The following RBL2 variants were observed in gnomAD, a reference collection of about 807,000 sequenced individuals.
RBL2 encodes the protein retinoblastoma-like protein 2.
A neutral mutation model predicts 126.0 loss-of-function variants in RBL2; 56 were observed. The observed-to-expected ratio is 0.44, with a 90% confidence interval of 0.36 to 0.56. The LOEUF (loss-of-function observed/expected upper bound fraction) is 0.56, where lower values mean the gene tolerates loss of function less well. Among genes scored for constraint, RBL2 ranks in the 20% least tolerant of loss-of-function variants. RBL2 has a pLI of 0.00. For synonymous variants in RBL2, 454 were observed against 478.5 expected, an observed-to-expected ratio of 0.95 and a Z score of 0.67; for missense variants, 1,229 against 1,398.2, an observed-to-expected ratio of 0.88 and a Z score of 1.93.
intron 8 of RBL2, among the ~76,000 whole-genome samples, chr16:53,458,795 G>A (rs545122283): frequency 2.2e-3 from 331 of 152,254 alleles, no homozygotes; most frequent in Non-Finnish European, 3.9e-3. Context: ...TGATAAGGCC[G>A]TCAGATCTCG....
Position 53,459,615 on chromosome 16 carries a change from C to G in RBL2, c.1344C>G (p.Leu448=). The change falls in exon 9 of 22, where the codon CTC becomes CTG. Residue 448 remains leucine (L), a splice_region_variant and synonymous_variant. Coordinates refer to ENST00000262133, the MANE Select transcript of RBL2 (RefSeq NM_005611.4). The part of the protein sequence containing the change: ...NAPSEKLEQI[L]RTCSRDPTQA... ...CAAGTGAGAAACTGGAACAGATTCT[C>G]AGGTTAGTTTGAGCCCTGTCTGCTT... is the stretch of plus-strand genomic sequence containing the variant. The G allele has an allele frequency of 6.5e-7, 1 of 1,546,854 alleles. No individual in the cohort carries two copies. The highest frequency in any genetic ancestry group is 8.7e-7 in the Non-Finnish European group (1 of 1,150,000).
chr16:53,476,012 C>T (rs1053651665), intron 17 of RBL2, among the ~76,000 whole-genome samples: 10 of 151,136 alleles, frequency 6.6e-5, no homozygotes, highest in South Asian at 4.2e-4. Context: ...TTTGTAGATA[C>T]GAGATTTTGC....
chr16:53,464,546 G>T (rs1291601530), intron 12 of RBL2, 183 bp downstream of exon 12: 1 of 481,326 alleles, frequency 2.1e-6, no homozygotes, highest in Non-Finnish European at 3.4e-6. Context: ...TTTTAATATT[G>T]TATGAAAGAT....
intron 13 of RBL2, chr16:53,466,021 T>C (rs890194092): frequency 3.3e-5 from 5 of 152,150 alleles, no homozygotes; most frequent in Non-Finnish European, 7.3e-5. Context: ...CCTTGGTAGT[T>C]TCTCAGATCT....
chr16:53,491,545 T>TTAGAA lies in RBL2; in HGVS notation c.*1249_*1253dup, dbSNP rs1410057606. The TTAGAA allele has an allele frequency of 1.3e-5, 2 of 152,616 alleles. No individual in the cohort carries two copies. Among genetic ancestry groups the TTAGAA allele is most frequent in the African/African-American group, 4.8e-5 (2 of 41,448 alleles). The allele number at this position is 152,616 out of a possible 1,614,324, so 9.5% of individuals were successfully genotyped here. A position where few individuals can be genotyped will look rare whatever the true frequency, so the allele number is the denominator to read the frequency against. ...GAAATATGGAACTTACATTGTTCAATTAGAATAGTGTTCTGCAAAAATATT... is the reference window on the plus strand; with the variant it reads ...GAAATATGGAACTTACATTGTTCAATTAGAATAGAATAGTGTTCTGCAAAAATATT... On this transcript the variant is annotated 3_prime_UTR_variant, in exon 22 of 22. Coordinates refer to ENST00000262133, the MANE Select transcript of RBL2 (RefSeq NM_005611.4).
At position 53,477,662 on chromosome 16, in the gene RBL2, T is replaced by C. The variant is rs185870225; in HGVS notation, c.2704-1492T>C. On this transcript the variant is annotated intron_variant, in intron 17 of 21. Transcript: ENST00000262133. ...ACCCAGCCTATTTCTATTTCTCTTA[T>C]TCATTCCTGTGTATGTGAGTTGCCA... 6.9e-3 allele frequency among the ~76,000 whole-genome samples: 1,044 copies of C among 152,300 alleles called. 10 individuals carry two copies. Among genetic ancestry groups the C allele is most frequent in the Non-Finnish European group, 9.5e-3 (647 of 68,022 alleles).
chr16:53,439,249 A>G, intron 2 of RBL2, 103 bp downstream of exon 2: 2 of 1,084,186 alleles, frequency 1.8e-6, no homozygotes, highest in South Asian at 2.9e-5. Flanking sequence ...GAGCATTTGT[A>G]CCTGTGGACT....
intron 2 of RBL2, among the ~76,000 whole-genome samples, chr16:53,440,673 C>G (rs1011402813): frequency 6.6e-5 from 10 of 152,148 alleles, no homozygotes; most frequent in African/African-American, 2.4e-4. Context: ...CCCGCTGTGG[C>G]CTCCCAAGTA....
At chr16:53,454,352 G>A (rs948271833) in intron 7 of RBL2, 3 of 364,478 alleles carry the variant, frequency 8.2e-6, no homozygotes, top group Admixed American at 3.6e-5. Context: ...ATACAGGCAC[G>A]TGCCACCATG....
chr16:53,471,209 T>A (rs2058319975), intron 17 of RBL2, among the ~76,000 whole-genome samples: 1 of 152,200 alleles, frequency 6.6e-6, no homozygotes, highest in Non-Finnish European at 1.5e-5. Context: ...CTATTAGCAT[T>A]TGTGTTTGGG....
chr16:53,435,616 ATTG>A, intron 1 of RBL2: 1 of 1,272,980 alleles, frequency 7.9e-7, no homozygotes, highest in Non-Finnish European at 1.0e-6. Flanking sequence ...GGAAGTACGG[ATTG>A]TTTATCAGCT....
chr16:53,486,695 G>T (rs768798590), intron 21 of RBL2, among the ~76,000 whole-genome samples: 4 of 152,132 alleles, frequency 2.6e-5, no homozygotes, highest in Non-Finnish European at 5.9e-5. Context: ...TGAATGCCTT[G>T]CCCCTGTGAT....
rs1249703959 is a variant in RBL2, at chr16:53,450,376, G to T, written c.638-1327G>T. Among the ~76,000 whole-genome samples the T allele has an allele frequency of 2.0e-5, 3 of 152,126 alleles. No homozygotes were observed. In the East Asian group the frequency reaches 5.8e-4, roughly 29 times the overall value. ...TGTGTGTGTGTACATGTACACTTGG[G>T]TAGGCGTTAAGTGTGAAATGCTGAG... On this transcript the variant is annotated intron_variant, in intron 4 of 21. Transcript: ENST00000262133.
At chr16:53,486,903 A>T (rs74017237) in intron 21 of RBL2, among the ~76,000 whole-genome samples, 6,158 of 152,328 alleles carry the variant, frequency 0.04, 389 homozygotes, top group African/African-American at 0.14. Context: ...ATGTATTTCT[A>T]TATGCTAGCA....
At position 53,462,582 on chromosome 16, in the gene RBL2, A is replaced by T; in HGVS notation, c.1487A>T (p.Glu496Val). Residue 496 changes from glutamate (E) to valine (V), a missense_variant, in exon 11 of 22, where the codon GAG becomes GTG. By Grantham distance (121) the Glu-to-Val change is moderately radical. Coordinates refer to ENST00000262133, the MANE Select transcript of RBL2 (RefSeq NM_005611.4). The stretch of plus-strand genomic sequence containing the variant: ...GCCAGCAAACATTTTCGTTTTGCGG[A>T]GATGCTTTACTATAAAGTATTAGAA... ...EIASKHFRFA[E>V]MLYYKVLESV... 6.4e-7 allele frequency: 1 copy of T among 1,560,808 alleles called. No individual in the cohort carries two copies.
intron 3 of RBL2, among the ~76,000 whole-genome samples, chr16:53,444,588 A>T (rs966156112): frequency 4.1e-5 from 6 of 145,612 alleles, no homozygotes; most frequent in African/African-American, 1.6e-4. Flanking sequence ...ATAAAATGAC[A>T]TATTCTCCTA....
Position 53,478,912 on chromosome 16 carries a change from G to A in RBL2, c.2704-242G>A, listed in dbSNP as rs572244932. ...GCTGGGATTACAGGTGTGAACCACC[G>A]CACCTGGCCTCTAAGTCTTGATTCA... On this transcript the variant is annotated intron_variant, in intron 17 of 21. Transcript: ENST00000262133. 47 of 434,394 alleles carry A rather than the reference G, an allele frequency of 1.1e-4. 1 individual carries two copies. Among genetic ancestry groups the A allele is most frequent in the Non-Finnish European group, 1.6e-4 (40 of 244,502 alleles). The allele number at this position is 434,394 out of a possible 1,614,324, so 26.9% of individuals were successfully genotyped here.
intron 2 of RBL2, among the ~76,000 whole-genome samples, chr16:53,441,160 G>A (rs1438126713): frequency 6.6e-5 from 10 of 151,602 alleles, no homozygotes; most frequent in African/African-American, 1.5e-4. Context: ...AGGTTTCACC[G>A]TGTTGACCAG....
chr16:53,434,778 C>G lies in RBL2; in HGVS notation c.222C>G (p.Ser74Arg). The G allele has an allele frequency of 6.6e-7, 1 of 1,517,432 alleles. No homozygotes were observed. The highest frequency in any genetic ancestry group is 8.8e-7 in the Non-Finnish European group (1 of 1,136,566). The allele number at this position is 1,517,432 out of a possible 1,614,324, so 94.0% of individuals were successfully genotyped here. A position where few individuals can be genotyped will look rare whatever the true frequency, so the allele number is the denominator to read the frequency against. The change falls in exon 1 of 22, where the codon AGC (serine) becomes AGG (arginine). Residue 74 changes from serine (S) to arginine (R), a missense_variant. Transcript: ENST00000262133. Reference protein sequence around the residue: ...AEAWDSYRSMSESYTLEGNDL... With the variant: ...AEAWDSYRSMRESYTLEGNDL... ...CCTGGGACAGCTACCGCAGCATGAG[C>G]GAAAGCTACACGCTGGAGGTGCGCT...
Sources: allele counts gnomAD v4.1 joint callset (sites outside exome capture counted in the v4.1 genomes callset), GRCh38; gene constraint gnomAD v4.1.1; transcripts MANE v1.5; gene names NCBI Gene and HGNC (gene_info 2026-07-23, HGNC 2026-07-21).